The following ZNF787 variants were observed in gnomAD, a reference collection of about 807,000 sequenced individuals.
The protein encoded by ZNF787 is zinc finger protein 787.
ZNF787 carries 7 observed loss-of-function variants against 16.9 expected under a neutral mutation model. That is an observed-to-expected ratio of 0.42 (90% CI 0.24 to 0.78). The LOEUF (loss-of-function observed/expected upper bound fraction) is 0.78, where lower values mean the gene tolerates loss of function less well. Ranked by LOEUF, ZNF787 falls within the 30% of genes least tolerant of loss-of-function variation. ZNF787 has a pLI of 0.30. For synonymous variants in ZNF787, 345 were observed against 270.9 expected, an observed-to-expected ratio of 1.27 and a Z score of -2.69; for missense variants, 551 against 589.3, an observed-to-expected ratio of 0.94 and a Z score of 0.67.
At chr19:56,110,984 G>A (rs1230191152) in intron 1 of ZNF787, among the ~76,000 whole-genome samples, 3 of 152,222 alleles carry the variant, frequency 2.0e-5, no homozygotes, top group Non-Finnish European at 4.4e-5. Flanking sequence ...GGCTGACCCC[G>A]GGCGGGGAGC....
intron 1 of ZNF787, among the ~76,000 whole-genome samples, chr19:56,109,741 G>A (rs1396443262): frequency 1.3e-5 from 2 of 152,050 alleles, no homozygotes; most frequent in African/African-American, 4.8e-5. Flanking sequence ...AAAATTAGCC[G>A]GGAGTGGTGG....
chr19:56,113,769 A>G (rs1157300745), intron 1 of ZNF787, among the ~76,000 whole-genome samples: 1 of 150,676 alleles, frequency 6.6e-6, no homozygotes, highest in Non-Finnish European at 1.5e-5. Context: ...AGGTTCTAAA[A>G]TCGACTGTGG....
chr19:56,121,013 C>CCGCGCGCCCACT (rs1555778431), intron 1 of ZNF787, among the ~76,000 whole-genome samples, 159 bp downstream of exon 1: 2 of 139,202 alleles, frequency 1.4e-5, no homozygotes, highest in Non-Finnish European at 3.2e-5. Context: ...GTCACCCCGG[C>CCGCGCGCCCACT]CGCGCGCCCA....
chr19:56,088,627 C>T lies in ZNF787; in HGVS notation c.545G>A (p.Arg182His). 3 of 1,527,944 alleles carry T rather than the reference C, an allele frequency of 2.0e-6. No individual in the cohort carries two copies. Among genetic ancestry groups the T allele is most frequent in the South Asian group, 1.2e-5 (1 of 82,704 alleles). The allele number at this position is 1,527,944 out of a possible 1,614,324, so 94.6% of individuals were successfully genotyped here. A position where few individuals can be genotyped will look rare whatever the true frequency, so the allele number is the denominator to read the frequency against. ...HSGLKPFVCP[R>H]CGRGFSQPKS... is the part of the protein sequence containing the mutation. ...GGGCTGGCTGAAGCCGCGGCCGCAG[C>T]GCGGGCACACGAAGGGCTTGAGGCC... is the stretch of plus-strand genomic sequence containing the variant. The change falls in exon 3 of 3, where the codon CGC (arginine) becomes CAC (histidine). Residue 182 changes from arginine (R) to histidine (H), a missense_variant. This residue lies in a region of ZNF787 where 40 missense variants were observed against 60.7 expected (regional missense o/e 0.66). Transcript: ENST00000610935. The surrounding 1 kb of genome is among the most constrained non-coding windows in gnomAD (Gnocchi z 8.6).
chr19:56,090,554 G>A (rs1985535200), intron 2 of ZNF787, among the ~76,000 whole-genome samples: 1 of 152,074 alleles, frequency 6.6e-6, no homozygotes, highest in South Asian at 2.1e-4. Flanking sequence ...CGGAGCGGTG[G>A]CTCACGCCTG....
chr19:56,106,189 C>G (rs1424299076), intron 1 of ZNF787, among the ~76,000 whole-genome samples: 1 of 152,224 alleles, frequency 6.6e-6, no homozygotes, highest in Non-Finnish European at 1.5e-5. Flanking sequence ...GCCGTGTGCT[C>G]TGCACAGGAG....
At chr19:56,099,469 G>A (rs531048746) in intron 2 of ZNF787, among the ~76,000 whole-genome samples, 4 of 152,292 alleles carry the variant, frequency 2.6e-5, no homozygotes, top group Non-Finnish European at 2.9e-5. Context: ...TCCCAACACT[G>A]GGAGGCCGAG....
At position 56,088,860 on chromosome 19, in the gene ZNF787, C is replaced by A. The variant is rs1985457210; in HGVS notation, c.312G>T (p.Ser104=). The A allele has an allele frequency of 5.0e-6, 8 of 1,608,480 alleles. No homozygotes were observed. The South Asian group carries it at 5.5e-5, about 11-fold the overall frequency. Residue 104 remains serine (S), a synonymous_variant, in exon 3 of 3, where the codon TCG becomes TCT. Transcript: ENST00000610935. This position sits in a 1 kb window ranked among gnomAD's most constrained non-coding sequence, Gnocchi z 8.6. ...NACADCGKTF[S]QSSHLVQHRR... is the part of the protein sequence containing the mutation. The stretch of plus-strand genomic sequence containing the variant: ...GGTGCTGCACCAGGTGCGAGCTCTG[C>A]GAGAAGGTCTTGCCGCAGTCGGCGC...
intron 2 of ZNF787, among the ~76,000 whole-genome samples, chr19:56,091,981 G>GAAA (rs1985604822): frequency 2.0e-5 from 3 of 146,458 alleles, no homozygotes; most frequent in African/African-American, 7.9e-5. Flanking sequence ...CAAAGCCGAA[G>GAAA]GCGAAACCGA....
intron 1 of ZNF787, among the ~76,000 whole-genome samples, chr19:56,112,903 C>T (rs1244004267): frequency 2.8e-5 from 4 of 140,896 alleles, no homozygotes; most frequent in South Asian, 2.4e-4. Context: ...CCCTCCAGCA[C>T]GGAGGGCTCT....
At chr19:56,101,664 T>C (rs1986103027) in intron 2 of ZNF787, 1 of 152,034 alleles carries the variant, frequency 6.6e-6, no homozygotes, top group Non-Finnish European at 1.5e-5. Flanking sequence ...AGTCCTTACA[T>C]GTTGGAGAAT....
intron 2 of ZNF787, 85 bp downstream of exon 2, chr19:56,103,054 G>C: frequency 6.8e-7 from 1 of 1,477,186 alleles, no homozygotes; most frequent in Non-Finnish European, 9.4e-7. Flanking sequence ...ACAGGGAAGG[G>C]GGGTTTCCTC....
chr19:56,101,897 T>C (rs1986112533), intron 2 of ZNF787: 1 of 152,282 alleles, frequency 6.6e-6, no homozygotes, highest in African/African-American at 2.4e-5. Context: ...TCGAGGGCTG[T>C]GGCGGTGCGG....
chr19:56,110,165 G>A (rs553759371), intron 1 of ZNF787, among the ~76,000 whole-genome samples: 1 of 152,172 alleles, frequency 6.6e-6, no homozygotes, highest in Non-Finnish European at 1.5e-5. Context: ...TTCAAGACCA[G>A]CCCGGCCAAT....
At position 56,101,106 on chromosome 19, in the gene ZNF787, G is replaced by A. The variant is rs144388325; in HGVS notation, c.79+2033C>T. 1.3e-3 allele frequency among the ~76,000 whole-genome samples: 199 copies of A among 147,640 alleles called. 3 individuals carry two copies. The highest frequency in any genetic ancestry group is 3.0e-3 in the Admixed American group (44 of 14,594). On this transcript the variant is annotated intron_variant, in intron 2 of 2. Transcript: ENST00000610935. ...TATGGCCAGGCCAACCCCCGCCTAC[G>A]ATGTCTGTCACTGTCACATAGGAGG...
At chr19:56,098,035 C>A (rs1985936272) in intron 2 of ZNF787, among the ~76,000 whole-genome samples, 1 of 152,142 alleles carries the variant, frequency 6.6e-6, no homozygotes, top group Non-Finnish European at 1.5e-5. Context: ...GGCCCCACCC[C>A]CGACCCAGGT....
intron 1 of ZNF787, among the ~76,000 whole-genome samples, chr19:56,109,043 G>C (rs967416780): frequency 2.0e-5 from 3 of 152,126 alleles, no homozygotes; most frequent in East Asian, 3.9e-4. Flanking sequence ...CCTCCTCCAC[G>C]GGAGCAAGGG....
At chr19:56,107,633 C>G (rs2029875565) in intron 1 of ZNF787, among the ~76,000 whole-genome samples, 1 of 139,732 alleles carries the variant, frequency 7.2e-6, no homozygotes, top group Non-Finnish European at 1.5e-5. Flanking sequence ...GGCTCACAGA[C>G]AGCAGGAAGG....
intron 1 of ZNF787, among the ~76,000 whole-genome samples, chr19:56,108,602 C>T (rs1465685983): frequency 1.3e-5 from 2 of 152,100 alleles, no homozygotes; most frequent in African/African-American, 4.8e-5. Flanking sequence ...CCTGTCATGT[C>T]AGGGCCCGCT....
Sources: allele counts gnomAD v4.1 joint callset (sites outside exome capture counted in the v4.1 genomes callset), GRCh38; gene constraint gnomAD v4.1.1; regional missense constraint gnomAD v4.1.1; non-coding constraint Gnocchi (gnomAD v3.1); transcripts MANE v1.5; gene names NCBI Gene and HGNC (gene_info 2026-07-23, HGNC 2026-07-21).